PCDH15: variants seen among roughly 807,000 people sequenced by gnomAD.
The protein encoded by PCDH15 is protocadherin-15.
A neutral mutation model predicts 178.5 loss-of-function variants in PCDH15; 129 were observed. That is an observed-to-expected ratio of 0.72 (90% CI 0.63 to 0.84). The LOEUF (loss-of-function observed/expected upper bound fraction) is 0.84. Ranked by LOEUF, PCDH15 falls within the 40% of genes least tolerant of loss-of-function variation. PCDH15 has a pLI of 0.00. For missense variants in PCDH15, 2,230 were observed against 2,099.9 expected (o/e 1.06, Z -1.21); for synonymous variants, 800 against 732.0 (o/e 1.09, Z -1.50).
chr10:53,854,413 T>C lies in PCDH15; in HGVS notation c.3806+2762A>G, dbSNP rs1198004024. On this transcript the variant is annotated intron_variant, in intron 28 of 37. Coordinates refer to ENST00000644397, the MANE Select transcript of PCDH15 (RefSeq NM_001384140.1). ...TTAAGATGGTAATGTTTATACTATG[T>C]TTTTTAATCACAACAAAAGGAATGG... Among the ~76,000 whole-genome samples, 5 of 152,034 alleles carry C rather than the reference T, an allele frequency of 3.3e-5. No individual in the cohort carries two copies. The East Asian group carries it at 9.6e-4, about 29-fold the overall frequency.
chr10:54,133,510 A>G (rs2042622757), intron 14 of PCDH15, among the ~76,000 whole-genome samples: 1 of 152,204 alleles, frequency 6.6e-6, no homozygotes, highest in African/African-American at 2.4e-5. Flanking sequence ...AGTCAGGATC[A>G]TAAAGAATCC....
chr10:55,343,093 C>T (rs560949037), intron 2 of PCDH15, among the ~76,000 whole-genome samples: 1 of 152,230 alleles, frequency 6.6e-6, no homozygotes, highest in East Asian at 1.9e-4. Flanking sequence ...AAAGTATCTT[C>T]CTGGACTTAT....
At chr10:54,039,629 T>G (rs1462023638) in intron 18 of PCDH15, among the ~76,000 whole-genome samples, 1 of 151,910 alleles carries the variant, frequency 6.6e-6, no homozygotes, top group African/African-American at 2.4e-5. Context: ...AGCTGTGAAT[T>G]CCACTAATTA....
intron 1 of PCDH15, among the ~76,000 whole-genome samples, chr10:55,217,250 TACTC>T (rs775906872): frequency 3.9e-4 from 59 of 152,048 alleles, no homozygotes; most frequent in Admixed American, 1.9e-3. Context: ...TTTTATCTCT[TACTC>T]ACCGAAAACA....
At chr10:54,174,658 G>C (rs1268076358) in intron 13 of PCDH15, among the ~76,000 whole-genome samples, 1 of 150,560 alleles carries the variant, frequency 6.6e-6, no homozygotes, top group Non-Finnish European at 1.5e-5. Flanking sequence ...CAAATGGAAG[G>C]TGTTGCTATT....
intron 21 of PCDH15, among the ~76,000 whole-genome samples, chr10:53,986,837 G>C (rs1428586926): frequency 6.6e-6 from 1 of 152,180 alleles, no homozygotes; most frequent in South Asian, 2.1e-4. Context: ...GGGAGTAGCT[G>C]TTCAAGGGTT....
In PCDH15 at chr10:54,473,047, CAGAT is replaced by C. The variant is rs202191725; in HGVS notation, c.157+54761_157+54764del. On this transcript the variant is annotated intron_variant, in intron 3 of 37. Coordinates refer to ENST00000644397, the MANE Select transcript of PCDH15 (RefSeq NM_001384140.1). ...CTTTGTTTCACCTAAATGCAGGTGA[CAGAT>C]AGACCTCAGTGAGGTGGCTTTCTTT... Among the ~76,000 whole-genome samples the C allele has an allele frequency of 8.5e-3, 1,290 of 152,204 alleles. 18 individuals carry two copies. Among genetic ancestry groups the C allele is most frequent in the African/African-American group, 0.028 (1,150 of 41,530 alleles).
At chr10:54,064,560 G>T (rs1170463137) in intron 18 of PCDH15, among the ~76,000 whole-genome samples, 1 of 152,076 alleles carries the variant, frequency 6.6e-6, no homozygotes, top group Non-Finnish European at 1.5e-5. Flanking sequence ...TGTTTATGAG[G>T]AGAAGTGCCT....
chr10:54,085,328 T>C (rs1308038334), intron 16 of PCDH15, among the ~76,000 whole-genome samples: 1 of 152,132 alleles, frequency 6.6e-6, no homozygotes, highest in Non-Finnish European at 1.5e-5. Flanking sequence ...AGATAATTTT[T>C]GAAATTCTCT....
intron 1 of PCDH15, among the ~76,000 whole-genome samples, chr10:55,213,742 A>G (rs1269695502): frequency 6.6e-6 from 1 of 151,888 alleles, no homozygotes; most frequent in Non-Finnish European, 1.5e-5. Context: ...TTACAATACA[A>G]AAACTTTTAG....
At chr10:53,857,762 G>A (rs2078851660) in intron 27 of PCDH15, among the ~76,000 whole-genome samples, 1 of 151,900 alleles carries the variant, frequency 6.6e-6, no homozygotes, top group African/African-American at 2.4e-5. Flanking sequence ...TGTGTAGGTA[G>A]AGGTATATAT....
intron 3 of PCDH15, among the ~76,000 whole-genome samples, chr10:54,435,131 T>A (rs541183038): frequency 6.6e-6 from 1 of 152,262 alleles, no homozygotes; most frequent in Admixed American, 6.5e-5. Flanking sequence ...AGACTACAAA[T>A]CCCTGAGTAG....
Position 54,580,063 on chromosome 10 carries a change from C to T in PCDH15, c.92-52186G>A, listed in dbSNP as rs979512658. ...GATCTAACATTACACCTATGGGAAC[C>T]GGAGGAAAAGGAACAATCTAAACCT... On this transcript the variant is annotated intron_variant, in intron 2 of 37. Transcript: ENST00000644397. 9.2e-5 allele frequency among the ~76,000 whole-genome samples: 14 copies of T among 151,664 alleles called. No individual in the cohort carries two copies. The East Asian group carries it at 2.3e-3, about 25-fold the overall frequency.
intron 2 of PCDH15, among the ~76,000 whole-genome samples, chr10:55,546,513 G>T (rs1431533637): frequency 1.3e-5 from 2 of 152,052 alleles, no homozygotes; most frequent in Non-Finnish European, 2.9e-5. Context: ...AGTGTTTACA[G>T]GGGGCAAATG....
At chr10:55,099,066 A>T (rs1842516725) in intron 2 of PCDH15, among the ~76,000 whole-genome samples, 1 of 151,960 alleles carries the variant, frequency 6.6e-6, no homozygotes, top group Non-Finnish European at 1.5e-5. Flanking sequence ...AGTGATGCTG[A>T]TTCAGTTTTA....
intron 25 of PCDH15, among the ~76,000 whole-genome samples, chr10:53,911,060 G>T (rs1274393718): frequency 6.6e-6 from 1 of 152,150 alleles, no homozygotes; most frequent in Non-Finnish European, 1.5e-5. Flanking sequence ...AAAGTGATGA[G>T]GAGAATGGAA....
At chr10:54,165,911 A>G (rs1216381899) in intron 13 of PCDH15, among the ~76,000 whole-genome samples, 2 of 152,242 alleles carry the variant, frequency 1.3e-5, no homozygotes, top group African/African-American at 2.4e-5. Flanking sequence ...GCTCTAGGAA[A>G]GGAGATGAGA....
intron 2 of PCDH15, among the ~76,000 whole-genome samples, chr10:54,983,858 G>A (rs761126460): frequency 1.2e-4 from 19 of 152,136 alleles, no homozygotes; most frequent in Middle Eastern, 3.4e-3. Context: ...CTTCCACTCT[G>A]TACCTCCTCC....
intron 15 of PCDH15, among the ~76,000 whole-genome samples, chr10:54,112,404 G>T (rs746367153): frequency 2.6e-5 from 4 of 151,996 alleles, no homozygotes; most frequent in Non-Finnish European, 5.9e-5. Context: ...GTCTCCAGGT[G>T]GGGGGTGGGG....
Sources: gnomAD v4.1 joint callset for allele counts (sites outside exome capture counted in the v4.1 genomes callset) on GRCh38, gnomAD v4.1.1 for gene constraint, MANE v1.5 for transcripts, NCBI Gene and HGNC (gene_info 2026-07-23, HGNC 2026-07-21) for gene names.